BCAS4: variants seen among roughly 807,000 people sequenced by gnomAD.
The protein encoded by BCAS4 is breast carcinoma-amplified sequence 4.
In BCAS4, 9 loss-of-function variants were observed where a neutral mutation model predicts 15.7. The ratio of observed to expected loss-of-function variants is 0.57; its 90% CI spans 0.34 to 1.00. The LOEUF (loss-of-function observed/expected upper bound fraction) is 1.00, where lower values mean the gene tolerates loss of function less well. Ranked by LOEUF, BCAS4 falls within the 50% of genes least tolerant of loss-of-function variation. The probability of loss-of-function intolerance (pLI) is 0.02; values close to 1 mark genes in which losing one functional copy is unlikely to be tolerated. For missense variants in BCAS4, 225 were observed against 239.1 expected (o/e 0.94, Z 0.39); for synonymous variants, 101 against 99.5 (o/e 1.02, Z -0.09).
intron 4 of BCAS4, among the ~76,000 whole-genome samples, chr20:50,850,955 C>T (rs889112690): frequency 6.6e-6 from 1 of 152,164 alleles, no homozygotes. Flanking sequence ...CGGAGCTGCC[C>T]TGCCCGGGCT....
chr20:50,829,734 A>G (rs2088320833), intron 2 of BCAS4, among the ~76,000 whole-genome samples: 1 of 151,930 alleles, frequency 6.6e-6, no homozygotes, highest in Admixed American at 6.6e-5. Flanking sequence ...GGCTTCATAC[A>G]GTTCACTTTT....
At chr20:50,833,027 T>C (rs1212076146) in intron 3 of BCAS4, 1 of 152,342 alleles carries the variant, frequency 6.6e-6, no homozygotes, top group Non-Finnish European at 1.5e-5. Context: ...AGGCAAGTGC[T>C]GTGAAGGGAA....
At chr20:50,795,558 C>T (rs375879128) in intron 1 of BCAS4, among the ~76,000 whole-genome samples, 8,216 of 152,292 alleles carry the variant, frequency 0.054, 334 homozygotes, top group African/African-American at 0.11. Context: ...GTGCGGGCCG[C>T]GCTGCGCTGC....
At chr20:50,795,595 C>T (rs1041100428) in intron 1 of BCAS4, among the ~76,000 whole-genome samples, 3 of 152,210 alleles carry the variant, frequency 2.0e-5, no homozygotes, top group African/African-American at 7.2e-5. Flanking sequence ...AACACCACGC[C>T]TCTGTCTGCG....
At chr20:50,803,602 G>A (rs1014042775) in intron 1 of BCAS4, among the ~76,000 whole-genome samples, 1 of 151,988 alleles carries the variant, frequency 6.6e-6, no homozygotes, top group African/African-American at 2.4e-5. Flanking sequence ...CAGCACTTTG[G>A]GAGGCTGAAG....
chr20:50,844,472 C>T (rs115227272), intron 4 of BCAS4, among the ~76,000 whole-genome samples: 2,547 of 152,226 alleles, frequency 0.017, 67 homozygotes, highest in African/African-American at 0.056. Context: ...AAATTTAAGA[C>T]ACATGGGGGG....
At chr20:50,844,971 C>T (rs1354390948) in intron 4 of BCAS4, among the ~76,000 whole-genome samples, 2 of 152,052 alleles carry the variant, frequency 1.3e-5, no homozygotes, top group Non-Finnish European at 1.5e-5. Flanking sequence ...CTAGTGTGTG[C>T]GTATGTGTGT....
intron 1 of BCAS4, among the ~76,000 whole-genome samples, chr20:50,796,397 A>T (rs1237164071): frequency 7.9e-6 from 1 of 127,320 alleles, no homozygotes; most frequent in Admixed American, 8.1e-5. Flanking sequence ...ATATCTTTCC[A>T]TATATATATA....
At chr20:50,875,615 A>AG (rs914378904) in intron 4 of BCAS4, among the ~76,000 whole-genome samples, 4 of 150,932 alleles carry the variant, frequency 2.7e-5, no homozygotes, top group Admixed American at 2.0e-4. Context: ...AAAAAAAAAA[A>AG]AAAAAAAGAA....
chr20:50,795,818 T>C lies in BCAS4; in HGVS notation c.90+645T>C, dbSNP rs1262600123. On this transcript the variant is annotated intron_variant, in intron 1 of 4. Coordinates refer to ENST00000371608, the MANE Select transcript of BCAS4 (RefSeq NM_198799.4). ...AAAGGCTATGCACCCCTTTCTCTTT[T>C]CTCTCCCACCCCAATTCTAGTTTTC... is the stretch of plus-strand genomic sequence containing the variant. Among the ~76,000 whole-genome samples the C allele has an allele frequency of 2.0e-5, 3 of 152,338 alleles. No individual in the cohort carries two copies. In the East Asian group the frequency reaches 5.8e-4, roughly 29 times the overall value.
chr20:50,807,335 G>A (rs1219105672), intron 1 of BCAS4, among the ~76,000 whole-genome samples: 1 of 151,630 alleles, frequency 6.6e-6, no homozygotes, highest in Non-Finnish European at 1.5e-5. Flanking sequence ...TGGGACTACA[G>A]GCATGTGCCA....
chr20:50,856,951 C>T (rs1274136284), intron 4 of BCAS4, among the ~76,000 whole-genome samples: 1 of 152,152 alleles, frequency 6.6e-6, no homozygotes, highest in Admixed American at 6.5e-5. Context: ...GAACTGGCTC[C>T]CGTAACTGTG....
At chr20:50,847,406 T>C (rs536171798) in intron 4 of BCAS4, among the ~76,000 whole-genome samples, 3 of 152,226 alleles carry the variant, frequency 2.0e-5, no homozygotes, top group African/African-American at 7.2e-5. Flanking sequence ...GCTTTGCTTG[T>C]GAGGAATGGA....
At chr20:50,862,830 G>A (rs1317918946) in intron 4 of BCAS4, among the ~76,000 whole-genome samples, 1 of 152,068 alleles carries the variant, frequency 6.6e-6, no homozygotes, top group African/African-American at 2.4e-5. Context: ...TTGCACTCAG[G>A]GCTTTTTTTG....
At chr20:50,872,335 C>T (rs1204372207) in intron 4 of BCAS4, among the ~76,000 whole-genome samples, 1 of 146,898 alleles carries the variant, frequency 6.8e-6, no homozygotes, top group Non-Finnish European at 1.5e-5. Context: ...CTTTGGGAGG[C>T]TGAGGTGGGT....
intron 4 of BCAS4, among the ~76,000 whole-genome samples, chr20:50,859,669 G>A (rs1052805652): frequency 2.1e-4 from 32 of 152,158 alleles, no homozygotes; most frequent in African/African-American, 6.8e-4. Context: ...CCAGGTGTGC[G>A]GTGTGGAGCT....
downstream of BCAS4, chr20:50,878,729 G>A (rs1217652988): frequency 6.6e-6 from 1 of 152,042 alleles, no homozygotes; most frequent in Non-Finnish European, 1.5e-5. Flanking sequence ...TGAACTTCTG[G>A]GCTCAGGGGA....
intron 4 of BCAS4, among the ~76,000 whole-genome samples, chr20:50,858,458 C>T (rs143052844): frequency 0.044 from 6,748 of 152,050 alleles, 307 homozygotes; most frequent in East Asian, 0.16. Context: ...AAAAATTAGC[C>T]GGGCATGGTG....
At chr20:50,840,675 C>T in intron 3 of BCAS4, 3 of 1,613,262 alleles carry the variant, frequency 1.9e-6, no homozygotes, top group Non-Finnish European at 2.5e-6. Flanking sequence ...GTGGATTTTT[C>T]TCTTGCGTCT....
Sources: allele counts gnomAD v4.1 joint callset (sites outside exome capture counted in the v4.1 genomes callset), GRCh38; gene constraint gnomAD v4.1.1; transcripts MANE v1.5; gene names NCBI Gene and HGNC (gene_info 2026-07-23, HGNC 2026-07-21).